Variants in PFKFB4 observed in about 807,000 individuals in gnomAD.
PFKFB4 encodes the protein 6-phosphofructo-2-kinase/fructose-2,6-biphosphatase 4.
Under a neutral mutation model 62.8 loss-of-function variants are expected in PFKFB4, and 42 were observed. That is an observed-to-expected ratio of 0.67 (90% CI 0.52 to 0.86). The LOEUF (loss-of-function observed/expected upper bound fraction) is 0.86, where lower values mean the gene tolerates loss of function less well. PFKFB4 is among the 40% of genes least tolerant of loss of function. PFKFB4 has a pLI of 0.00. For synonymous variants in PFKFB4, 204 were observed against 240.7 expected (o/e 0.85, Z 1.41); for missense variants, 475 against 627.2 (o/e 0.76, Z 2.59).
intron 9 of PFKFB4, among the ~76,000 whole-genome samples, chr3:48,532,310 AAAAT>A (rs549437504): frequency 5.3e-5 from 8 of 152,122 alleles, no homozygotes; most frequent in African/African-American, 7.2e-5. Context: ...ATTCCGTTTC[AAAAT>A]AAATAAATAA....
chr3:48,562,413 G>T (rs2043446210), upstream of PFKFB4: 2 of 261,768 alleles, frequency 7.6e-6, no homozygotes, highest in Non-Finnish European at 1.5e-5. This position sits in a 1 kb window ranked among gnomAD's most constrained non-coding sequence, Gnocchi z 4.3. Flanking sequence ...CAGGTGTTCT[G>T]TGACTATGGG....
Position 48,539,752 on chromosome 3 carries a change from G to T in PFKFB4, c.398C>A (p.Thr133Asn). 3 of 1,614,172 alleles carry T rather than the reference G, an allele frequency of 1.9e-6. No homozygotes were observed. Among genetic ancestry groups the T allele is most frequent in the Non-Finnish European group, 1.7e-6 (2 of 1,179,986 alleles). ...GHVAVFDATN[T>N]TRERRATIFN... Reference sequence around the variant, plus strand: ...GATGGTCGCTCTCCGTTCTCGGGTGGTGTTTGTGGCATCAAAAACCTAGGA... The same window carrying T: ...GATGGTCGCTCTCCGTTCTCGGGTGTTGTTTGTGGCATCAAAAACCTAGGA... Residue 133 changes from threonine (T) to asparagine (N), a missense_variant, in exon 5 of 14, where the codon ACC becomes AAC. Coordinates refer to ENST00000232375, the MANE Select transcript of PFKFB4 (RefSeq NM_004567.4).
intron 9 of PFKFB4, chr3:48,526,016 TAC>T (rs368552184): frequency 1.3e-3 from 212 of 159,508 alleles, no homozygotes; most frequent in Middle Eastern, 3.1e-3. Context: ...TTATTTGGGA[TAC>T]ACACACACAC....
chr3:48,553,879 C>T (rs2043230904), intron 1 of PFKFB4, among the ~76,000 whole-genome samples: 1 of 152,204 alleles, frequency 6.6e-6, no homozygotes, highest in Non-Finnish European at 1.5e-5. Flanking sequence ...AGAGTCTTGC[C>T]ACCTTTCAGC....
chr3:48,558,928 G>C (rs935417353), upstream of PFKFB4, among the ~76,000 whole-genome samples: 17 of 152,330 alleles, frequency 1.1e-4, no homozygotes, highest in African/African-American at 3.6e-4. Flanking sequence ...CGTGGCCTCT[G>C]AGACCTCATT....
chr3:48,535,087 G>C (rs1214257711), intron 9 of PFKFB4, among the ~76,000 whole-genome samples: 1 of 152,196 alleles, frequency 6.6e-6, no homozygotes, highest in Non-Finnish European at 1.5e-5. Context: ...GGGATTACAA[G>C]GGTGAGCCAC....
At chr3:48,559,486 A>ATC, upstream of PFKFB4, 2 of 456,908 alleles carry the variant, frequency 4.4e-6, no homozygotes, top group Non-Finnish European at 8.8e-6. Context: ...CTACAGTGGA[A>ATC]TCGCACAGTC....
intron 9 of PFKFB4, among the ~76,000 whole-genome samples, chr3:48,529,799 CAA>C (rs1160487811): frequency 1.3e-5 from 2 of 152,050 alleles, no homozygotes; most frequent in Non-Finnish European, 2.9e-5. Context: ...ACAGAAAATA[CAA>C]AAATTAGCCA....
intron 3 of PFKFB4, among the ~76,000 whole-genome samples, chr3:48,546,194 G>A (rs562646888): frequency 8.5e-5 from 13 of 152,256 alleles, no homozygotes; most frequent in Non-Finnish European, 1.3e-4. Context: ...GCACACACAC[G>A]AGCGTGCACA....
In PFKFB4 at chr3:48,547,389, G is replaced by A. The variant is rs116633854; in HGVS notation, c.311+2475C>T. Among the ~76,000 whole-genome samples the A allele has an allele frequency of 1.8e-3, 268 of 152,264 alleles. 3 individuals carry two copies. The highest frequency in any genetic ancestry group is 6.2e-3 in the African/African-American group (259 of 41,538). ...CACATGCATGCATGTGCCCACGTGT[G>A]TGTGTGCATAGGGGGCTTGTGTGTG... On this transcript the variant is annotated intron_variant, in intron 3 of 13. Transcript: ENST00000232375.
intron 9 of PFKFB4, among the ~76,000 whole-genome samples, chr3:48,533,193 G>A (rs139415737): frequency 2.0e-5 from 3 of 152,248 alleles, no homozygotes; most frequent in South Asian, 4.1e-4. Context: ...GGGACTATAG[G>A]TGTGAGCCAG....
Position 48,556,353 on chromosome 3 carries a change from T to C in PFKFB4, c.97+328A>G. ...AGGGCCTGGGGTGCCCACAGGGTCC[T>C]CCCCAGACTGGGGGCGATGGGGATT... On this transcript the variant is annotated intron_variant, in intron 1 of 13. Coordinates refer to ENST00000232375, the MANE Select transcript of PFKFB4 (RefSeq NM_004567.4). The surrounding 1 kb of genome is among the most constrained non-coding windows in gnomAD (Gnocchi z 5.7). The C allele has an allele frequency of 1.9e-6, 1 of 528,070 alleles. No individual in the cohort carries two copies. The highest frequency in any genetic ancestry group is 3.5e-6 in the Non-Finnish European group (1 of 282,850). 32.7% of individuals were successfully genotyped at this position (528,070 alleles called of 1,614,324 possible).
chr3:48,518,024 G>A lies in PFKFB4; in HGVS notation c.*1723C>T, dbSNP rs1306621388. 6.6e-6 allele frequency: 1 copy of A among 152,296 alleles called. No individual in the cohort carries two copies. The highest frequency in any genetic ancestry group is 2.4e-5 in the African/African-American group (1 of 41,472). 9.4% of individuals were successfully genotyped at this position (152,296 alleles called of 1,614,324 possible). ...GGTCTCACCTCAGATGACATCCAGA[G>A]GTACATGCACTGTTGCTGACCAAGG... On this transcript the variant is annotated 3_prime_UTR_variant, in exon 14 of 14. Transcript: ENST00000232375.
upstream of PFKFB4, chr3:48,556,909 G>T: frequency 7.0e-7 from 1 of 1,418,590 alleles, no homozygotes. This position sits in a 1 kb window ranked among gnomAD's most constrained non-coding sequence, Gnocchi z 5.7. Context: ...CTTCCCGCAG[G>T]TCCCGCCCCA....
intron 5 of PFKFB4, 23 bp from the exon 6 acceptor site, chr3:48,539,333 G>A (rs752658761): frequency 6.8e-6 from 11 of 1,610,584 alleles, no homozygotes; most frequent in South Asian, 3.3e-5. Flanking sequence ...CAGAAGCGCC[G>A]GGGTGGTGGG....
intron 9 of PFKFB4, among the ~76,000 whole-genome samples, chr3:48,531,629 AT>A (rs892279202): frequency 1.7e-4 from 26 of 148,968 alleles, no homozygotes; most frequent in African/African-American, 4.4e-4. Context: ...CCAAAAAAAA[AT>A]TTTTTTTTTA....
intron 3 of PFKFB4, among the ~76,000 whole-genome samples, chr3:48,546,242 ATGAG>A (rs1185151825): frequency 3.5e-4 from 53 of 152,110 alleles, no homozygotes; most frequent in African/African-American, 1.1e-3. Flanking sequence ...GGGCACAGGT[ATGAG>A]TGAGTGTGCC....
intron 9 of PFKFB4, among the ~76,000 whole-genome samples, chr3:48,530,532 T>A (rs1273779733): frequency 6.6e-6 from 1 of 151,756 alleles, no homozygotes; most frequent in Non-Finnish European, 1.5e-5. Flanking sequence ...AAAAAGATCA[T>A]ATCTACACAG....
chr3:48,542,926 T>C (rs1029830391), intron 4 of PFKFB4, among the ~76,000 whole-genome samples: 2 of 151,976 alleles, frequency 1.3e-5, no homozygotes, highest in African/African-American at 2.4e-5. Context: ...ATGAAACAAA[T>C]CAGTAAGTCA....
Sources: allele counts gnomAD v4.1 joint callset (sites outside exome capture counted in the v4.1 genomes callset), GRCh38; gene constraint gnomAD v4.1.1; non-coding constraint Gnocchi (gnomAD v3.1); transcripts MANE v1.5; gene names NCBI Gene and HGNC (gene_info 2026-07-23, HGNC 2026-07-21).